Variants in CDH12 observed in about 807,000 individuals in gnomAD.
CDH12 encodes cadherin 12, also known as cadherin-12.
Under a neutral mutation model 74.1 loss-of-function variants are expected in CDH12, and 41 were observed. That is an observed-to-expected ratio of 0.55 (90% CI 0.43 to 0.72). The LOEUF is 0.72. CDH12 is among the 30% of genes least tolerant of loss of function. The pLI is 0.00. For synonymous variants in CDH12, 399 were observed against 355.0 expected (o/e 1.12, Z -1.39); for missense variants, 945 against 977.2 (o/e 0.97, Z 0.44).
intron 1 of CDH12, among the ~76,000 whole-genome samples, chr5:22,756,670 A>C (rs1326173986): frequency 6.6e-6 from 1 of 152,170 alleles, no homozygotes; most frequent in African/African-American, 2.4e-5. Flanking sequence ...TTACAAATTT[A>C]ATTGTTACTG....
intron 3 of CDH12, among the ~76,000 whole-genome samples, chr5:22,244,090 A>C (rs1346075773): frequency 1.3e-5 from 2 of 152,106 alleles, no homozygotes; most frequent in Non-Finnish European, 2.9e-5. Flanking sequence ...AGATCAAAAA[A>C]GGCAAAAAAA....
intron 6 of CDH12, among the ~76,000 whole-genome samples, chr5:21,880,615 CCTTCTTTCTTTCTTTCTTTCT>C (rs1752255366): frequency 1.2e-5 from 1 of 84,658 alleles, no homozygotes; most frequent in African/African-American, 4.7e-5. Context: ...TTCCTTCCTT[CCTTCTTTCTTTCTTTCTTTCT>C]TTCTTTCTTT....
At chr5:22,018,175 AT>A (rs1476062726) in intron 5 of CDH12, among the ~76,000 whole-genome samples, 16 of 152,308 alleles carry the variant, frequency 1.1e-4, no homozygotes, top group Middle Eastern at 3.4e-3. Context: ...AAGTACTTCA[AT>A]TTTTAAAACC....
chr5:22,100,212 T>A (rs1744056634), intron 4 of CDH12, among the ~76,000 whole-genome samples: 1 of 152,184 alleles, frequency 6.6e-6, no homozygotes, highest in Non-Finnish European at 1.5e-5. Context: ...AAATACTTAC[T>A]TATTAACCAG....
chr5:22,605,069 G>GT (rs1737031075), intron 1 of CDH12, among the ~76,000 whole-genome samples: 1 of 112,088 alleles, frequency 8.9e-6, no homozygotes, highest in Admixed American at 1.0e-4. Flanking sequence ...TGATCTTTCA[G>GT]TAAAGACTAC....
intron 1 of CDH12, among the ~76,000 whole-genome samples, chr5:22,534,019 TC>T (rs1212303337): frequency 1.3e-5 from 2 of 152,092 alleles, no homozygotes; most frequent in Non-Finnish European, 2.9e-5. Flanking sequence ...TTTAAATATA[TC>T]CAAGACAATG....
intron 1 of CDH12, among the ~76,000 whole-genome samples, chr5:22,718,372 C>A (rs1282310553): frequency 6.6e-6 from 1 of 152,106 alleles, no homozygotes; most frequent in Non-Finnish European, 1.5e-5. Context: ...GAAAAAGGTG[C>A]CTGACATCTA....
chr5:22,365,203 T>C (rs1251558189), intron 3 of CDH12, among the ~76,000 whole-genome samples: 1 of 152,176 alleles, frequency 6.6e-6, no homozygotes, highest in Non-Finnish European at 1.5e-5. Context: ...TTTGATGATG[T>C]GAATCTTGCT....
intron 3 of CDH12, among the ~76,000 whole-genome samples, chr5:22,318,166 G>T (rs1738711356): frequency 6.6e-6 from 1 of 152,180 alleles, no homozygotes; most frequent in Non-Finnish European, 1.5e-5. Context: ...AATCACTTTA[G>T]AAAGCGGTCC....
intron 5 of CDH12, among the ~76,000 whole-genome samples, chr5:22,002,444 G>A (rs1736660014): frequency 6.6e-6 from 1 of 151,794 alleles, no homozygotes; most frequent in Non-Finnish European, 1.5e-5. Context: ...TTTCCATTTT[G>A]TAAATATATT....
intron 5 of CDH12, among the ~76,000 whole-genome samples, chr5:21,987,385 A>G (rs1396093662): frequency 2.6e-5 from 4 of 152,318 alleles, no homozygotes; most frequent in Middle Eastern, 3.4e-3. Flanking sequence ...TATAGACAAA[A>G]TGACCTATGA....
At chr5:21,814,456 T>G (rs1747932064) in intron 9 of CDH12, among the ~76,000 whole-genome samples, 1 of 151,834 alleles carries the variant, frequency 6.6e-6, no homozygotes, top group Admixed American at 6.6e-5. Context: ...TTTGATATAA[T>G]AAGATAAAGG....
intron 1 of CDH12, among the ~76,000 whole-genome samples, chr5:22,593,994 A>G (rs1736474574): frequency 6.6e-6 from 1 of 152,332 alleles, no homozygotes; most frequent in South Asian, 2.1e-4. Context: ...GAAAGGAAGG[A>G]ATGCTTGAAT....
chr5:22,377,611 C>T (rs1346001442), intron 3 of CDH12, among the ~76,000 whole-genome samples: 1 of 152,216 alleles, frequency 6.6e-6, no homozygotes, highest in Non-Finnish European at 1.5e-5. Context: ...CTCTCTCTGA[C>T]ATTCCTTCCT....
At chr5:22,230,316 A>C (rs1335677877) in intron 3 of CDH12, among the ~76,000 whole-genome samples, 1 of 152,070 alleles carries the variant, frequency 6.6e-6, no homozygotes, top group African/African-American at 2.4e-5. Flanking sequence ...CACACAATAC[A>C]TAATATCATT....
intron 2 of CDH12, among the ~76,000 whole-genome samples, chr5:22,487,681 T>G (rs11748502): frequency 0.057 from 8,709 of 152,272 alleles, 358 homozygotes; most frequent in East Asian, 0.19. Flanking sequence ...CATTGCTCAT[T>G]GACTAATGGC....
At chr5:22,576,241 G>T (rs1203220375) in intron 1 of CDH12, among the ~76,000 whole-genome samples, 1 of 152,136 alleles carries the variant, frequency 6.6e-6, no homozygotes, top group African/African-American at 2.4e-5. Flanking sequence ...GTCCTGCTTT[G>T]AAGTTCTCAC....
At chr5:22,673,255 T>C (rs1401093549) in intron 1 of CDH12, among the ~76,000 whole-genome samples, 1 of 152,176 alleles carries the variant, frequency 6.6e-6, no homozygotes, top group African/African-American at 2.4e-5. Context: ...TAAACAAACA[T>C]GATTATATTG....
intron 2 of CDH12, among the ~76,000 whole-genome samples, chr5:22,504,325 C>A (rs568226175): frequency 6.6e-6 from 1 of 152,056 alleles, no homozygotes; most frequent in African/African-American, 2.4e-5. Flanking sequence ...ACACTAAAGC[C>A]TAACCTTTAC....
Sources: gnomAD v4.1 joint callset for allele counts (sites outside exome capture counted in the v4.1 genomes callset) on GRCh38, gnomAD v4.1.1 for gene constraint, MANE v1.5 for transcripts, NCBI Gene and HGNC (gene_info 2026-07-23, HGNC 2026-07-21) for gene names.